Variants in USH2A observed in about 807,000 individuals in gnomAD.
USH2A encodes Usher syndrome 2A (autosomal recessive, mild).
In USH2A, 443 loss-of-function variants were observed where a neutral mutation model predicts 538.9. The ratio of observed to expected loss-of-function variants is 0.82; its 90% CI spans 0.76 to 0.89. The LOEUF (loss-of-function observed/expected upper bound fraction) is 0.89, where lower values mean the gene tolerates loss of function less well. Ranked by LOEUF, USH2A falls within the 40% of genes least tolerant of loss-of-function variation. The probability of loss-of-function intolerance (pLI) is 0.00; values close to 1 mark genes in which losing one functional copy is unlikely to be tolerated. For missense variants in USH2A, 6,633 were observed against 6,324.8 expected (o/e 1.05, Z -1.65); for synonymous variants, 2,413 against 2,273.5 (o/e 1.06, Z -1.75).
At chr1:215,819,067 TTAAC>T (rs1662937128) in intron 47 of USH2A, among the ~76,000 whole-genome samples, 1 of 151,812 alleles carries the variant, frequency 6.6e-6, no homozygotes, top group Non-Finnish European at 1.5e-5. Flanking sequence ...GCCATAAAAA[TTAAC>T]TAATCACAAA....
intron 13 of USH2A, among the ~76,000 whole-genome samples, chr1:216,238,862 C>G (rs2035879254): frequency 6.6e-6 from 1 of 152,100 alleles, no homozygotes; most frequent in Non-Finnish European, 1.5e-5. Context: ...CCTTCCTACC[C>G]CATCCTTCTC....
At chr1:215,973,656 C>CTTTTTTTTTTTT (rs750306238) in intron 35 of USH2A, among the ~76,000 whole-genome samples, 17 of 130,948 alleles carry the variant, frequency 1.3e-4, no homozygotes, top group East Asian at 2.2e-4. Flanking sequence ...TCTTCTTCTT[C>CTTTTTTTTTTTT]TTTTTTTTTT....
intron 21 of USH2A, among the ~76,000 whole-genome samples, chr1:216,148,300 C>G (rs1365733458): frequency 8.6e-5 from 13 of 151,760 alleles, no homozygotes; most frequent in Non-Finnish European, 1.9e-4. Flanking sequence ...GCCCAGTTCC[C>G]TTATTAGGCT....
intron 11 of USH2A, among the ~76,000 whole-genome samples, chr1:216,252,309 T>C (rs1304686214): frequency 2.0e-5 from 3 of 152,198 alleles, no homozygotes; most frequent in Admixed American, 2.0e-4. Context: ...CAAATCTCTT[T>C]TATAGTCCCT....
intron 15 of USH2A, among the ~76,000 whole-genome samples, chr1:216,211,908 T>A (rs1182001410): frequency 1.3e-5 from 2 of 152,294 alleles, no homozygotes; most frequent in East Asian, 1.9e-4. Flanking sequence ...TATCATCAAC[T>A]GCCTCATTTA....
At chr1:216,276,082 A>C (rs2036665119) in intron 11 of USH2A, among the ~76,000 whole-genome samples, 1 of 152,154 alleles carries the variant, frequency 6.6e-6, no homozygotes, top group Non-Finnish European at 1.5e-5. Flanking sequence ...ATTTCTGCAC[A>C]ACCTCCTTAT....
intron 4 of USH2A, among the ~76,000 whole-genome samples, chr1:216,349,045 A>G (rs1408217015): frequency 6.6e-6 from 1 of 152,146 alleles, no homozygotes; most frequent in African/African-American, 2.4e-5. Context: ...CTGCTGCGGA[A>G]TGTATTGCTG....
intron 13 of USH2A, among the ~76,000 whole-genome samples, chr1:216,246,095 A>G (rs1159114239): frequency 6.6e-6 from 1 of 152,218 alleles, no homozygotes; most frequent in East Asian, 1.9e-4. Context: ...GGCCTATTTT[A>G]TTAATTTGAT....
intron 47 of USH2A, among the ~76,000 whole-genome samples, chr1:215,832,697 C>G (rs976393861): frequency 2.4e-4 from 37 of 151,876 alleles, no homozygotes; most frequent in African/African-American, 8.0e-4. Flanking sequence ...GGGAACAAGT[C>G]AAGGATATGC....
At chr1:215,965,145 A>G (rs1667306410) in intron 37 of USH2A, among the ~76,000 whole-genome samples, 172 bp downstream of exon 37, 1 of 152,080 alleles carries the variant, frequency 6.6e-6, no homozygotes, top group African/African-American at 2.4e-5. Context: ...TGCTCTGGGA[A>G]CCACATTCTG....
At chr1:215,658,170 C>T (rs986696874) in intron 64 of USH2A, among the ~76,000 whole-genome samples, 1 of 151,842 alleles carries the variant, frequency 6.6e-6, no homozygotes, top group African/African-American at 2.4e-5. Flanking sequence ...CTCCTGACCT[C>T]GTGATCCGCC....
chr1:215,776,911 T>C (rs2102757985), intron 55 of USH2A, among the ~76,000 whole-genome samples: 1 of 152,288 alleles, frequency 6.6e-6, no homozygotes, highest in Middle Eastern at 3.4e-3. Context: ...CCCAAAGAAC[T>C]ACATATAGGA....
chr1:215,746,701 G>A (rs75207541), intron 58 of USH2A, among the ~76,000 whole-genome samples: 2,505 of 152,236 alleles, frequency 0.016, 44 homozygotes, highest in Non-Finnish European at 0.023. Context: ...GTTTGGTGAC[G>A]TTTTTGTGAC....
At chr1:216,292,985 A>G (rs1414051249) in intron 9 of USH2A, among the ~76,000 whole-genome samples, 2 of 150,268 alleles carry the variant, frequency 1.3e-5, no homozygotes, top group African/African-American at 2.5e-5. Flanking sequence ...GCTTGCCTTC[A>G]TCTCACCTAT....
At chr1:216,356,860 C>T (rs150084897) in intron 4 of USH2A, among the ~76,000 whole-genome samples, 28 of 152,150 alleles carry the variant, frequency 1.8e-4, no homozygotes, top group African/African-American at 6.3e-4. Flanking sequence ...AAGTAGTTTT[C>T]GCATTTTTAC....
intron 67 of USH2A, among the ~76,000 whole-genome samples, chr1:215,643,671 G>A (rs536554685): frequency 9.9e-5 from 15 of 151,810 alleles, no homozygotes; most frequent in Admixed American, 3.9e-4. Context: ...GACTACAGGC[G>A]CATGTCACCA....
chr1:216,387,743 G>A (rs2039030984), intron 3 of USH2A, among the ~76,000 whole-genome samples: 1 of 152,100 alleles, frequency 6.6e-6, no homozygotes, highest in South Asian at 2.1e-4. Context: ...TCCAAAATGT[G>A]TCACAGGGTT....
intron 64 of USH2A, among the ~76,000 whole-genome samples, chr1:215,654,875 C>A (rs975934612): frequency 6.6e-6 from 1 of 151,986 alleles, no homozygotes; most frequent in Non-Finnish European, 1.5e-5. Context: ...TCTTTCCTAC[C>A]CCAAAGGACT....
At chr1:215,656,340 A>G (rs774439659) in intron 64 of USH2A, among the ~76,000 whole-genome samples, 35 of 152,180 alleles carry the variant, frequency 2.3e-4, no homozygotes, top group Non-Finnish European at 4.0e-4. Context: ...AAATTGTGAA[A>G]ATATTTTATG....
Sources: allele counts gnomAD v4.1 joint callset (sites outside exome capture counted in the v4.1 genomes callset), GRCh38; gene constraint gnomAD v4.1.1; transcripts MANE v1.5; gene names NCBI Gene and HGNC (gene_info 2026-07-23, HGNC 2026-07-21).